The following PPA2 variants were observed in gnomAD, a reference collection of about 807,000 sequenced individuals.
The protein encoded by PPA2 is inorganic pyrophosphatase 2.
A neutral mutation model predicts 49.5 loss-of-function variants in PPA2; 48 were observed. That is an observed-to-expected ratio of 0.97 (90% CI 0.77 to 1.23). PPA2 has a LOEUF of 1.23. PPA2 is among the 50% of genes most tolerant of loss of function. PPA2 has a pLI of 0.00. For missense variants in PPA2, 429 were observed against 410.1 expected (o/e 1.05, Z -0.40); for synonymous variants, 131 against 139.9 (o/e 0.94, Z 0.45).
At chr4:105,426,586 C>T (rs112015610) in intron 6 of PPA2, among the ~76,000 whole-genome samples, 3,167 of 152,308 alleles carry the variant, frequency 0.021, 49 homozygotes, top group Middle Eastern at 0.061. Flanking sequence ...TCACTGCTAG[C>T]GCAGCAGTCT....
intron 1 of PPA2, among the ~76,000 whole-genome samples, chr4:105,461,973 A>C (rs1353640254): frequency 6.6e-6 from 1 of 152,244 alleles, no homozygotes; most frequent in African/African-American, 2.4e-5. Flanking sequence ...ACTCATTAAA[A>C]GTTTTCCAGG....
intron 3 of PPA2, among the ~76,000 whole-genome samples, chr4:105,450,318 C>T (rs905282450): frequency 1.3e-5 from 2 of 151,880 alleles, no homozygotes; most frequent in Non-Finnish European, 2.9e-5. Flanking sequence ...TTTAAAAGAG[C>T]AATTTTTATA....
chr4:105,385,039 C>G (rs1356428538), intron 10 of PPA2, among the ~76,000 whole-genome samples: 1 of 152,144 alleles, frequency 6.6e-6, no homozygotes, highest in Non-Finnish European at 1.5e-5. Flanking sequence ...ATCCTCTTGC[C>G]TCAGGACCTT....
At chr4:105,370,936 C>T in intron 10 of PPA2, 63 bp from the exon 11 acceptor site, 1 of 1,380,796 alleles carries the variant, frequency 7.2e-7, no homozygotes, top group South Asian at 1.5e-5. Context: ...GAAAGCGCAT[C>T]CAGAAGTTTT....
chr4:105,388,543 G>A (rs1002920701), intron 9 of PPA2, among the ~76,000 whole-genome samples: 8 of 152,130 alleles, frequency 5.3e-5, no homozygotes, highest in East Asian at 3.8e-4. Flanking sequence ...ATGTATGAGC[G>A]GTTGGGTGCA....
At chr4:105,384,211 C>A (rs1338660699) in intron 10 of PPA2, among the ~76,000 whole-genome samples, 1 of 152,112 alleles carries the variant, frequency 6.6e-6, no homozygotes, top group Admixed American at 6.6e-5. Context: ...TTCCACTGAG[C>A]TAGTGAAGAG....
intron 3 of PPA2, among the ~76,000 whole-genome samples, chr4:105,451,266 T>C (rs1722666462): frequency 6.6e-6 from 1 of 152,214 alleles, no homozygotes; most frequent in Non-Finnish European, 1.5e-5. Context: ...GGAATGCTGT[T>C]ATTTCAAAGA....
chr4:105,440,412 C>A (rs970747895), intron 5 of PPA2, among the ~76,000 whole-genome samples: 3 of 152,094 alleles, frequency 2.0e-5, no homozygotes, highest in Non-Finnish European at 4.4e-5. Context: ...CAGGCGCCCA[C>A]CACCACCCTA....
At chr4:105,443,795 C>T (rs781609538) in intron 5 of PPA2, among the ~76,000 whole-genome samples, 1 of 152,234 alleles carries the variant, frequency 6.6e-6, no homozygotes, top group South Asian at 2.1e-4. Flanking sequence ...CTCACACATG[C>T]TAGGCCTATT....
At chr4:105,441,153 A>G (rs1476500033) in intron 5 of PPA2, among the ~76,000 whole-genome samples, 2 of 152,210 alleles carry the variant, frequency 1.3e-5, no homozygotes, top group Non-Finnish European at 2.9e-5. Context: ...CAAACACTGG[A>G]GAAGAAATAT....
chr4:105,413,029 C>T (rs978665003), intron 7 of PPA2, among the ~76,000 whole-genome samples: 1 of 152,194 alleles, frequency 6.6e-6, no homozygotes, highest in African/African-American at 2.4e-5. Context: ...AAGACACATG[C>T]ACACGTATGT....
intron 7 of PPA2, among the ~76,000 whole-genome samples, chr4:105,403,535 A>C (rs906319862): frequency 2.0e-5 from 3 of 152,198 alleles, no homozygotes; most frequent in African/African-American, 7.2e-5. Flanking sequence ...ATATAAATAC[A>C]TTGAAAATAT....
At chr4:105,391,616 G>A (rs1221643694) in intron 9 of PPA2, among the ~76,000 whole-genome samples, 1 of 152,078 alleles carries the variant, frequency 6.6e-6, no homozygotes, top group Non-Finnish European at 1.5e-5. Flanking sequence ...ATGAAACTGT[G>A]CAGAGGTGAC....
At chr4:105,437,876 G>C (rs1724137369) in intron 6 of PPA2, 74 bp downstream of exon 6, 1 of 1,137,406 alleles carries the variant, frequency 8.8e-7, no homozygotes. Context: ...TGAAGAACTA[G>C]AGGCTAAAAT....
intron 1 of PPA2, among the ~76,000 whole-genome samples, chr4:105,458,177 T>C (rs949110886): frequency 1.3e-5 from 2 of 151,998 alleles, no homozygotes; most frequent in African/African-American, 2.4e-5. Context: ...AAATCCAAGA[T>C]TGAGAAACCG....
At chr4:105,416,599 T>C (rs749402757) in intron 7 of PPA2, among the ~76,000 whole-genome samples, 15 of 152,348 alleles carry the variant, frequency 9.8e-5, no homozygotes, top group South Asian at 2.1e-4. Flanking sequence ...TAATGACTTA[T>C]AAACATTCAC....
intron 9 of PPA2, among the ~76,000 whole-genome samples, chr4:105,389,987 GAACCCCAGA>G (rs1733847782): frequency 6.6e-6 from 1 of 151,904 alleles, no homozygotes; most frequent in African/African-American, 2.4e-5. Context: ...TAGATCAATG[GAACCCCAGA>G]AATAACACCA....
chr4:105,460,648 C>CAAT (rs1356148292), intron 1 of PPA2, among the ~76,000 whole-genome samples: 1 of 152,026 alleles, frequency 6.6e-6, no homozygotes, highest in Non-Finnish European at 1.5e-5. Flanking sequence ...TAGAAATGAA[C>CAAT]AATAATTTCA....
chr4:105,382,083 ACT>A (rs1211524690), intron 10 of PPA2, among the ~76,000 whole-genome samples: 1 of 152,014 alleles, frequency 6.6e-6, no homozygotes, highest in Admixed American at 6.5e-5. Context: ...TTTAACATAC[ACT>A]GACTCAGTTG....
Sources: gnomAD v4.1 joint callset for allele counts (sites outside exome capture counted in the v4.1 genomes callset) on GRCh38, gnomAD v4.1.1 for gene constraint, MANE v1.5 for transcripts, NCBI Gene and HGNC (gene_info 2026-07-23, HGNC 2026-07-21) for gene names.